KCNN2: variants seen among roughly 807,000 people sequenced by gnomAD.
KCNN2 encodes the protein small conductance calcium-activated potassium channel protein 2.
Under a neutral mutation model 55.5 loss-of-function variants are expected in KCNN2, and 24 were observed. That is an observed-to-expected ratio of 0.43 (90% CI 0.31 to 0.61). The LOEUF (loss-of-function observed/expected upper bound fraction) is 0.61. Ranked by LOEUF, KCNN2 falls within the 20% of genes least tolerant of loss-of-function variation. The pLI, the probability that KCNN2 is intolerant of heterozygous loss-of-function variation, is 0.08. For missense variants in KCNN2, 754 were observed against 853.6 expected (o/e 0.88, Z 1.45); for synonymous variants, 431 against 336.1 (o/e 1.28, Z -3.09).
intron 2 of KCNN2, among the ~76,000 whole-genome samples, chr5:114,394,178 CT>C (rs367852153): frequency 6.9e-4 from 105 of 152,188 alleles, no homozygotes; most frequent in Middle Eastern, 3.4e-3. Context: ...TGTAATAAAA[CT>C]TTTACTGCCT....
chr5:114,347,385 T>C (rs1025164017), intron 2 of KCNN2, among the ~76,000 whole-genome samples: 1 of 152,186 alleles, frequency 6.6e-6, no homozygotes, highest in African/African-American at 2.4e-5. Flanking sequence ...CCTAGAATGG[T>C]ACTCATCAAT....
chr5:114,158,063 C>G (rs1363876367), intron 1 of KCNN2, among the ~76,000 whole-genome samples: 1 of 152,168 alleles, frequency 6.6e-6, no homozygotes, highest in African/African-American at 2.4e-5. Context: ...GTGTTTTAGA[C>G]ATGAAGTCCT....
At chr5:114,278,073 AG>A (rs1366267470) in intron 2 of KCNN2, among the ~76,000 whole-genome samples, 1 of 152,006 alleles carries the variant, frequency 6.6e-6, no homozygotes. Flanking sequence ...TCTGTTTGTT[AG>A]GTTTCTGTTT....
intron 1 of KCNN2, among the ~76,000 whole-genome samples, chr5:114,086,328 A>G (rs1015317135): frequency 1.3e-5 from 2 of 151,588 alleles, no homozygotes; most frequent in Non-Finnish European, 2.9e-5. Flanking sequence ...CAGGTTTGTT[A>G]CCTAGGTTTA....
At chr5:114,175,220 G>A (rs4076660) in intron 1 of KCNN2, among the ~76,000 whole-genome samples, 106,739 of 151,988 alleles carry the variant, frequency 0.7, 37,685 homozygotes, top group East Asian at 0.86. Context: ...CTTAGATTTG[G>A]TATTATTCTC....
At chr5:114,267,178 T>A (rs1755226985) in intron 2 of KCNN2, among the ~76,000 whole-genome samples, 1 of 152,084 alleles carries the variant, frequency 6.6e-6, no homozygotes, top group Admixed American at 6.6e-5. Flanking sequence ...GTGTTTGTAG[T>A]GAGACGGGGT....
rs565950180 is a variant in KCNN2 at position 114,151,019 on chromosome 5, C to T, written c.-270-70461C>T. 1.9e-4 allele frequency among the ~76,000 whole-genome samples: 29 copies of T among 152,168 alleles called. No individual in the cohort carries two copies. In the South Asian group the frequency reaches 5.0e-3, roughly 26 times the overall value. ...CTGGGCAACAAGAGTGAAACTGTGT[C>T]TCAAAACAAACAAACAAACAACAAC... On this transcript the variant is annotated intron_variant, in intron 1 of 10. Transcript: ENST00000512097.
At chr5:114,355,912 A>T (rs148137854) in intron 2 of KCNN2, among the ~76,000 whole-genome samples, 1 of 152,176 alleles carries the variant, frequency 6.6e-6, no homozygotes, top group Non-Finnish European at 1.5e-5. Flanking sequence ...GCAGGCATAT[A>T]GCACTGCTAT....
At chr5:114,272,379 GTA>G (rs1755364029) in intron 2 of KCNN2, among the ~76,000 whole-genome samples, 1 of 47,482 alleles carries the variant, frequency 2.1e-5, no homozygotes, top group African/African-American at 9.1e-5. Context: ...ACATATGTAT[GTA>G]CATATATACA....
intron 1 of KCNN2, among the ~76,000 whole-genome samples, chr5:114,218,924 C>T (rs982905028): frequency 1.3e-5 from 2 of 152,164 alleles, no homozygotes; most frequent in Admixed American, 6.5e-5. Context: ...ACTCAGCCTA[C>T]CACTCTCAAC....
chr5:114,190,269 G>T (rs4235753), intron 1 of KCNN2, among the ~76,000 whole-genome samples: 109,041 of 151,882 alleles, frequency 0.72, 39,299 homozygotes, highest in East Asian at 0.88. Context: ...TTGCATATCT[G>T]CACTGCTCTT....
intron 1 of KCNN2, among the ~76,000 whole-genome samples, chr5:114,075,483 T>A (rs538666302): frequency 6.6e-6 from 1 of 152,342 alleles, no homozygotes; most frequent in East Asian, 1.9e-4. Context: ...AATATGCTGC[T>A]GTGTAAAATG....
intron 1 of KCNN2, among the ~76,000 whole-genome samples, chr5:114,127,156 T>A (rs1751952586): frequency 6.6e-6 from 1 of 152,136 alleles, no homozygotes; most frequent in African/African-American, 2.4e-5. Context: ...TCTACCATTC[T>A]GGGGTCTAGA....
At chr5:114,273,757 C>T (rs1003402405) in intron 2 of KCNN2, among the ~76,000 whole-genome samples, 1 of 152,138 alleles carries the variant, frequency 6.6e-6, no homozygotes, top group African/African-American at 2.4e-5. Context: ...AGTCCTTTGT[C>T]AGATGGATAG....
At chr5:114,272,220 T>C (rs1401355330) in intron 2 of KCNN2, among the ~76,000 whole-genome samples, 1 of 151,980 alleles carries the variant, frequency 6.6e-6, no homozygotes, top group Non-Finnish European at 1.5e-5. Flanking sequence ...TATACACTTA[T>C]CTATGTGTGT....
intron 2 of KCNN2, among the ~76,000 whole-genome samples, chr5:114,273,854 T>G (rs1234122127): frequency 6.6e-6 from 1 of 152,244 alleles, no homozygotes; most frequent in Non-Finnish European, 1.5e-5. Context: ...TTAGATTAAT[T>G]AGATCCCATT....
chr5:114,478,661 A>T (rs963069626), intron 5 of KCNN2, among the ~76,000 whole-genome samples: 1 of 152,068 alleles, frequency 6.6e-6, no homozygotes, highest in Non-Finnish European at 1.5e-5. Context: ...GAAAGGCCAG[A>T]TCACTTATGA....
At chr5:114,215,008 G>C (rs1387004498) in intron 1 of KCNN2, among the ~76,000 whole-genome samples, 1 of 152,134 alleles carries the variant, frequency 6.6e-6, no homozygotes, top group Non-Finnish European at 1.5e-5. Context: ...CAGAGGAATT[G>C]TTTACTTGTT....
rs4705648 is a variant in KCNN2, at chr5:114,241,764, G to T, written c.-185+20199G>T. Among the ~76,000 whole-genome samples, 9 of 8,324 alleles carry T rather than the reference G, an allele frequency of 1.1e-3. 3 individuals carry two copies. The highest frequency in any genetic ancestry group is 7.3e-3 in the Admixed American group (5 of 682). 5.5% of individuals were successfully genotyped at this position (8,324 alleles called of 152,430 possible). A position where few individuals can be genotyped will look rare whatever the true frequency, so the allele number is the denominator to read the frequency against. On this transcript the variant is annotated intron_variant, in intron 2 of 10. Coordinates refer to the KCNN2 transcript ENST00000512097. ...TACGTATATATATGTATATATATACGTATATATATACATATATACGTATAT... is the reference window on the plus strand; with the variant it reads ...TACGTATATATATGTATATATATACTTATATATATACATATATACGTATAT...
Sources: allele counts gnomAD v4.1 joint callset (sites outside exome capture counted in the v4.1 genomes callset), GRCh38; gene constraint gnomAD v4.1.1; transcripts MANE v1.5; gene names NCBI Gene and HGNC (gene_info 2026-07-23, HGNC 2026-07-21).